Variants in DCC observed in about 807,000 individuals in gnomAD.
DCC encodes the protein DCC netrin 1 receptor.
In DCC, 58 loss-of-function variants were observed where a neutral mutation model predicts 172.5. The observed-to-expected ratio is 0.34, with a 90% CI of 0.27 to 0.42. The LOEUF (loss-of-function observed/expected upper bound fraction) is 0.42, where lower values mean the gene tolerates loss of function less well. DCC is among the 10% of genes least tolerant of loss of function. The pLI, the probability that DCC is intolerant of heterozygous loss-of-function variation, is 1.00. For synonymous variants in DCC, 709 were observed against 644.5 expected (o/e 1.10, Z -1.52); for missense variants, 1,740 against 1,791.0 (o/e 0.97, Z 0.51).
chr18:53,448,767 C>T (rs149034235), intron 22 of DCC, among the ~76,000 whole-genome samples: 3 of 152,172 alleles, frequency 2.0e-5, no homozygotes, highest in Non-Finnish European at 2.9e-5. Flanking sequence ...GCAAGAGAAT[C>T]GCTTGAACCC....
intron 1 of DCC, among the ~76,000 whole-genome samples, chr18:52,560,273 C>T (rs976372071): frequency 2.0e-4 from 31 of 152,282 alleles, no homozygotes; most frequent in African/African-American, 7.5e-4. Context: ...CACAATAAAA[C>T]TTTATTTATG....
intron 21 of DCC, among the ~76,000 whole-genome samples, chr18:53,431,527 G>A (rs180723242): frequency 2.5e-4 from 37 of 150,622 alleles, no homozygotes; most frequent in South Asian, 4.2e-4. Flanking sequence ...TTGCTTTATC[G>A]CCTAGGCTGG....
chr18:52,515,020 A>G (rs1037712661), intron 1 of DCC, among the ~76,000 whole-genome samples: 27 of 152,240 alleles, frequency 1.8e-4, no homozygotes, highest in African/African-American at 6.5e-4. Context: ...AATAAAAACT[A>G]CAGTTCAATA....
At chr18:52,908,961 C>T (rs1312630390) in intron 3 of DCC, among the ~76,000 whole-genome samples, 4 of 152,048 alleles carry the variant, frequency 2.6e-5, no homozygotes, top group South Asian at 4.1e-4. Flanking sequence ...AAGCCTGTCT[C>T]GTATGCTAGC....
chr18:53,300,053 A>G (rs2057114511), intron 12 of DCC, among the ~76,000 whole-genome samples: 1 of 152,214 alleles, frequency 6.6e-6, no homozygotes, highest in Non-Finnish European at 1.5e-5. Context: ...GAAACAAAGT[A>G]AAGGATCTCA....
At chr18:52,509,366 A>G (rs1421952565) in intron 1 of DCC, among the ~76,000 whole-genome samples, 1 of 152,116 alleles carries the variant, frequency 6.6e-6, no homozygotes, top group Non-Finnish European at 1.5e-5. Flanking sequence ...TACTTTTTTC[A>G]TGTGGCAGCT....
intron 1 of DCC, among the ~76,000 whole-genome samples, chr18:52,505,940 C>T (rs1049371113): frequency 1.3e-5 from 2 of 152,042 alleles, no homozygotes; most frequent in Non-Finnish European, 2.9e-5. Flanking sequence ...TAAAAATCTG[C>T]AAATTTTATG....
chr18:53,469,416 A>T (rs989106313), intron 25 of DCC, among the ~76,000 whole-genome samples: 3 of 152,206 alleles, frequency 2.0e-5, no homozygotes, highest in African/African-American at 7.2e-5. Context: ...GTTACACTTT[A>T]TAAGATGAAT....
At chr18:52,556,579 A>G (rs1174893082) in intron 1 of DCC, among the ~76,000 whole-genome samples, 1 of 152,128 alleles carries the variant, frequency 6.6e-6, no homozygotes, top group Non-Finnish European at 1.5e-5. Context: ...ACTCATGATT[A>G]GTGTCCTTCA....
At chr18:53,313,059 A>AAGAAGGAAGGGAAGGG (rs2057300085) in intron 13 of DCC, among the ~76,000 whole-genome samples, 2 of 68,224 alleles carry the variant, frequency 2.9e-5, no homozygotes, top group Non-Finnish European at 8.1e-5. Flanking sequence ...GGAGGGAAGG[A>AAGAAGGAAGGGAAGGG]AAGGGTGGAA....
rs1028654517 is a variant in DCC, at chr18:53,356,095, C to G, written c.2359+16188C>G. On this transcript the variant is annotated intron_variant, in intron 15 of 28. Transcript: ENST00000442544. ...TTTGAGACAGGGTCTCACTCTGTCA[C>G]CCAGGCTGGAGTGCGGTGGTGTGAT... is the stretch of plus-strand genomic sequence containing the variant. 2.0e-5 allele frequency among the ~76,000 whole-genome samples: 3 copies of G among 152,130 alleles called. No homozygotes were observed. In the East Asian group the frequency reaches 5.8e-4, roughly 29 times the overall value.
Position 52,752,194 on chromosome 18 carries a change from G to A in DCC, c.232G>A (p.Gly78Ser), listed in dbSNP as rs2037005966. Residue 78 changes from glycine (G) to serine (S), a missense_variant, in exon 2 of 29, where the codon GGC becomes AGC. Around this residue, in one of 2 missense-constraint regions of DCC, gnomAD observed 1,732 missense variants for 1,767.4 expected, o/e 0.98. Transcript: ENST00000442544. ...TCCAGTGATCAAGTGGAAGAAAGATGGCATTCATCTGGCCTTGGGAATGGA... is the reference window on the plus strand; with the variant it reads ...TCCAGTGATCAAGTGGAAGAAAGATAGCATTCATCTGGCCTTGGGAATGGA... ...GVPVIKWKKD[G>S]IHLALGMDER... is the part of the protein sequence containing the mutation. 3.1e-6 allele frequency: 5 copies of A among 1,614,112 alleles called. 1 individual carries two copies. Among genetic ancestry groups the A allele is most frequent in the Non-Finnish European group, 3.4e-6 (4 of 1,180,038 alleles).
intron 1 of DCC, among the ~76,000 whole-genome samples, chr18:52,607,950 C>T (rs2034171160): frequency 1.3e-5 from 2 of 152,056 alleles, no homozygotes; most frequent in African/African-American, 4.8e-5. Context: ...AAGAGGCAAG[C>T]AATGTGTGTT....
chr18:53,204,646 A>G (rs1405189247), intron 9 of DCC, among the ~76,000 whole-genome samples: 1 of 152,214 alleles, frequency 6.6e-6, no homozygotes, highest in African/African-American at 2.4e-5. Context: ...AGTAACAATA[A>G]TAAGAGAAAA....
In DCC at chr18:52,925,424, G is replaced by A. The variant is rs529143664; in HGVS notation, c.985+54G>A. 4.3e-4 allele frequency: 669 copies of A among 1,560,482 alleles called. 4 individuals are homozygous for A. Among genetic ancestry groups the A allele is most frequent in the South Asian group, 3.1e-3 (282 of 89,674 alleles). On this transcript the variant is annotated intron_variant, in intron 5 of 28. Coordinates refer to ENST00000442544, the MANE Select transcript of DCC (RefSeq NM_005215.4). ...ATTGTACCTTTCAAAGTATATCACCGCGACATTTTAATGCTCATCACTGAA... is the reference window on the plus strand; with the variant it reads ...ATTGTACCTTTCAAAGTATATCACCACGACATTTTAATGCTCATCACTGAA...
rs923507438 is a variant in DCC at position 52,963,308 on chromosome 18, A to G, written c.985+37938A>G. ...AGCATGCCTACATGATTTATGTGGA[A>G]AAAAAAAGGCCCGGTGTGAAAAATG... On this transcript the variant is annotated intron_variant, in intron 5 of 28. Transcript: ENST00000442544. Among the ~76,000 whole-genome samples the G allele has an allele frequency of 8.8e-5, 13 of 147,658 alleles. 1 individual carries two copies. The South Asian group carries it at 1.5e-3, about 17-fold the overall frequency.
At chr18:52,807,770 C>T (rs1426775446) in intron 2 of DCC, among the ~76,000 whole-genome samples, 1 of 152,054 alleles carries the variant, frequency 6.6e-6, no homozygotes, top group Non-Finnish European at 1.5e-5. Flanking sequence ...AGGTGTTTAT[C>T]CTCTTTGCGA....
chr18:53,039,882 T>C (rs1377487886), intron 5 of DCC, among the ~76,000 whole-genome samples: 1 of 152,012 alleles, frequency 6.6e-6, no homozygotes, highest in Non-Finnish European at 1.5e-5. Context: ...TGTTCCTTCT[T>C]TTTCCTACTG....
At chr18:52,417,899 G>C (rs958426280) in intron 1 of DCC, among the ~76,000 whole-genome samples, 2 of 152,182 alleles carry the variant, frequency 1.3e-5, no homozygotes, top group African/African-American at 4.8e-5. Context: ...GTCCAGCTTT[G>C]TTCCGTTGCT....
Sources: allele counts gnomAD v4.1 joint callset (sites outside exome capture counted in the v4.1 genomes callset), GRCh38; gene constraint gnomAD v4.1.1; regional missense constraint gnomAD v4.1.1; transcripts MANE v1.5; gene names NCBI Gene and HGNC (gene_info 2026-07-23, HGNC 2026-07-21).